Variants in NEDD4 observed in about 807,000 individuals in gnomAD.
NEDD4 encodes the protein NEDD4 E3 ubiquitin protein ligase, also known as E3 ubiquitin-protein ligase NEDD4.
NEDD4 carries 99 observed loss-of-function variants against 144.9 expected under a neutral mutation model. That is an observed-to-expected ratio of 0.68 (90% CI 0.58 to 0.81). The LOEUF (loss-of-function observed/expected upper bound fraction) is 0.81. Ranked by LOEUF, NEDD4 falls within the 30% of genes least tolerant of loss-of-function variation. The pLI is 0.00. For synonymous variants in NEDD4, 318 were observed against 350.6 expected (o/e 0.91, Z 1.04); for missense variants, 985 against 1,065.9 (o/e 0.92, Z 1.06).
chr15:55,865,511 A>T (rs2034555503), intron 8 of NEDD4, among the ~76,000 whole-genome samples: 1 of 151,686 alleles, frequency 6.6e-6, no homozygotes, highest in South Asian at 2.1e-4. Context: ...TTGATAACAA[A>T]ACACCCACAT....
chr15:55,860,651 C>CT lies in NEDD4; in HGVS notation c.792+9dup, dbSNP rs762263111. 1.2e-6 allele frequency: 2 copies of CT among 1,602,558 alleles called. No individual in the cohort carries two copies. The highest frequency in any genetic ancestry group is 2.7e-5 in the African/African-American group (2 of 74,750). ...GTGTCTTTCAAGGAGAACTAGGAAA[C>CT]TACTTATACCTCGGAAGACTCTCGG... On this transcript the variant is annotated intron_variant, in intron 10 of 28. Coordinates refer to ENST00000435532, the MANE Select transcript of NEDD4 (RefSeq NM_006154.4).
At chr15:55,943,638 G>C (rs1038691439) in intron 4 of NEDD4, among the ~76,000 whole-genome samples, 3 of 152,166 alleles carry the variant, frequency 2.0e-5, no homozygotes, top group Non-Finnish European at 4.4e-5. Flanking sequence ...GAAATGTGTC[G>C]ATATCCACAC....
intron 13 of NEDD4, among the ~76,000 whole-genome samples, chr15:55,851,900 C>T (rs1274282717): frequency 3.3e-5 from 5 of 152,154 alleles, no homozygotes; most frequent in African/African-American, 1.2e-4. Context: ...CTCTTATTCT[C>T]ATTTGTACTT....
intron 17 of NEDD4, among the ~76,000 whole-genome samples, chr15:55,847,539 AAGC>A (rs1432958815): frequency 6.6e-6 from 1 of 152,194 alleles, no homozygotes; most frequent in Non-Finnish European, 1.5e-5. Context: ...AAAATGGAAA[AAGC>A]AGCTATAAAA....
chr15:55,901,504 T>C (rs1236179673), intron 5 of NEDD4, among the ~76,000 whole-genome samples: 1 of 152,162 alleles, frequency 6.6e-6, no homozygotes, highest in Non-Finnish European at 1.5e-5. Flanking sequence ...CCAATCAAAA[T>C]TCGTGAGTAT....
chr15:55,951,851 T>C (rs1452049115), intron 2 of NEDD4, among the ~76,000 whole-genome samples: 4 of 152,078 alleles, frequency 2.6e-5, no homozygotes, highest in Non-Finnish European at 5.9e-5. Flanking sequence ...GATTATAAGC[T>C]TCCTAGATTT....
intron 5 of NEDD4, among the ~76,000 whole-genome samples, chr15:55,898,245 T>C (rs547243362): frequency 1.1e-4 from 16 of 152,366 alleles, no homozygotes; most frequent in African/African-American, 3.4e-4. Context: ...ACTATTTAGC[T>C]CATCATTTGG....
At chr15:55,978,169 G>A (rs1307469371) in intron 1 of NEDD4, among the ~76,000 whole-genome samples, 1 of 152,078 alleles carries the variant, frequency 6.6e-6, no homozygotes, top group Non-Finnish European at 1.5e-5. Flanking sequence ...GCCTCCTGGG[G>A]AAAATGTAAC....
rs2036490002 is a variant in NEDD4 at position 55,917,771 on chromosome 15, T to G, written c.291+6875A>C. On this transcript the variant is annotated intron_variant, in intron 5 of 28. Coordinates refer to ENST00000435532, the MANE Select transcript of NEDD4 (RefSeq NM_006154.4). ...TCTTTAAATGATGCCATTTATATTT[T>G]GACTATTAAAACTGCCAAGAAATAG... Among the ~76,000 whole-genome samples the G allele has an allele frequency of 2.0e-5, 3 of 152,192 alleles. No individual in the cohort carries two copies. In the East Asian group the frequency reaches 5.8e-4, roughly 29 times the overall value.
chr15:55,923,645 C>CAAA (rs767874914), intron 5 of NEDD4, among the ~76,000 whole-genome samples: 12,624 of 123,040 alleles, frequency 0.1, 887 homozygotes, highest in Middle Eastern at 0.16. Flanking sequence ...GACTCCATCT[C>CAAA]AAAAAAAAAA....
At chr15:55,993,134 G>A (rs1048016956) in intron 1 of NEDD4, among the ~76,000 whole-genome samples, 2 of 152,242 alleles carry the variant, frequency 1.3e-5, no homozygotes, top group South Asian at 2.1e-4. Flanking sequence ...TGCTGCGACC[G>A]TCTCCCAACG....
rs2033845570 is a variant in NEDD4, at chr15:55,848,541, C to G, written c.1463G>C (p.Arg488Thr). The stretch of plus-strand genomic sequence containing the variant: ...CATACTGTGATTTATGTAGAAGATT[C>G]TTCCATCTGTGTGAGTTCTCTCTTC... ...GWEERTHTDG[R>T]IFYINHNIKR... The change falls in exon 16 of 29, where the codon AGA (arginine) becomes ACA (threonine). Residue 488 changes from arginine to threonine, a missense_variant. Transcript: ENST00000435532. The G allele has an allele frequency of 6.2e-7, 1 of 1,613,496 alleles. No individual in the cohort carries two copies. The highest frequency in any genetic ancestry group is 1.3e-5 in the African/African-American group (1 of 74,910).
chr15:55,915,395 C>T (rs778805639), intron 5 of NEDD4: 2 of 1,613,680 alleles, frequency 1.2e-6, no homozygotes, highest in East Asian at 2.2e-5. Context: ...GAGATGGTCC[C>T]CCTTTAGAAC....
intron 5 of NEDD4, among the ~76,000 whole-genome samples, chr15:55,883,627 T>C (rs2035276091): frequency 6.6e-6 from 1 of 151,522 alleles, no homozygotes; most frequent in African/African-American, 2.4e-5. Context: ...TTCCCAGTGG[T>C]GGTGGCCACA....
At chr15:55,843,680 A>T (rs2033617998) in intron 18 of NEDD4, among the ~76,000 whole-genome samples, 1 of 152,204 alleles carries the variant, frequency 6.6e-6, no homozygotes. Context: ...AGCCCTATAG[A>T]AACATAATAA....
At chr15:55,941,188 G>T (rs1341742424) in intron 4 of NEDD4, among the ~76,000 whole-genome samples, 1 of 151,902 alleles carries the variant, frequency 6.6e-6, no homozygotes, top group African/African-American at 2.4e-5. Context: ...TCCATCCTTG[G>T]TTTTATTTAT....
chr15:55,883,778 C>G (rs1308273273), intron 5 of NEDD4, among the ~76,000 whole-genome samples: 1 of 151,920 alleles, frequency 6.6e-6, no homozygotes, highest in Non-Finnish European at 1.5e-5. Flanking sequence ...GAGAGAGAGA[C>G]ACTCTATTTG....
intron 5 of NEDD4, among the ~76,000 whole-genome samples, chr15:55,879,517 ATAT>A (rs2035109217): frequency 6.6e-6 from 1 of 152,224 alleles, no homozygotes; most frequent in Admixed American, 6.5e-5. Flanking sequence ...AAATATTGGA[ATAT>A]TATACATTAT....
rs751409029 is a variant in NEDD4, at chr15:55,829,642, G to A, written c.*255C>T. On this transcript the variant is annotated 3_prime_UTR_variant, in exon 29 of 29. Coordinates refer to ENST00000435532, the MANE Select transcript of NEDD4 (RefSeq NM_006154.4). ...CCTATTGTGTGAACTCTAAAGCCAG[G>A]TGTGGTGGTGCCTGGCTTTAGGCAG... 3.6e-5 allele frequency: 13 copies of A among 363,926 alleles called. No individual in the cohort carries two copies. The highest frequency in any genetic ancestry group is 6.0e-5 in the Non-Finnish European group (12 of 199,876). 22.5% of individuals were successfully genotyped at this position (363,926 alleles called of 1,614,324 possible).
Sources: allele counts gnomAD v4.1 joint callset (sites outside exome capture counted in the v4.1 genomes callset), GRCh38; gene constraint gnomAD v4.1.1; transcripts MANE v1.5; gene names NCBI Gene and HGNC (gene_info 2026-07-23, HGNC 2026-07-21).